The following ZNF92 variants were observed in gnomAD, a reference collection of about 807,000 sequenced individuals.
ZNF92 encodes zinc finger protein 92.
In ZNF92, 11 loss-of-function variants were observed where a neutral mutation model predicts 12.4. That is an observed-to-expected ratio of 0.89 (90% CI 0.56 to 1.47). The LOEUF is 1.47. ZNF92 is among the 40% of genes most tolerant of loss of function. The pLI, the probability that ZNF92 is intolerant of heterozygous loss-of-function variation, is 0.00. For synonymous variants in ZNF92, 206 were observed against 228.6 expected (o/e 0.90, Z 0.89); for missense variants, 622 against 681.0 (o/e 0.91, Z 0.96).
At chr7:65,388,326 T>C in intron 2 of ZNF92, 1 of 176,122 alleles carries the variant, frequency 5.7e-6, no homozygotes, top group East Asian at 2.2e-4. Flanking sequence ...TACTGGGCAG[T>C]ATTAAATAAA....
Position 65,373,931 on chromosome 7 carries a change from GA to G in ZNF92, c.-66del. On this transcript the variant is annotated 5_prime_UTR_variant, in exon 1 of 4. Coordinates refer to ENST00000328747, the MANE Select transcript of ZNF92 (RefSeq NM_152626.4). Reference sequence around the variant, plus strand: ...TGTGCTGATAAAGGCTCGCCGCTGTGACCCTGTTACCTGCAAGAACTTGGAG... The same window carrying G: ...TGTGCTGATAAAGGCTCGCCGCTGTGCCCTGTTACCTGCAAGAACTTGGAG... 1 of 1,611,090 alleles carries G rather than the reference GA, an allele frequency of 6.2e-7. No individual in the cohort carries two copies. Among genetic ancestry groups the G allele is most frequent in the Non-Finnish European group, 8.5e-7 (1 of 1,177,358 alleles).
rs751461601 is a variant in ZNF92, at chr7:65,399,792, A to G, written c.1678A>G (p.Thr560Ala). 1.2e-6 allele frequency: 2 copies of G among 1,613,230 alleles called. No homozygotes were observed. Among genetic ancestry groups the G allele is most frequent in the Non-Finnish European group, 1.7e-6 (2 of 1,179,562 alleles). Reference sequence around the variant, plus strand: ...CCTTATTACACATCAGATAATTTATACTGGAGAGAAACCCTGCAAACATGA... The same window carrying G: ...CCTTATTACACATCAGATAATTTATGCTGGAGAGAAACCCTGCAAACATGA... ...STLITHQIIY[T>A]GEKPCKHECG... Residue 560 changes from threonine to alanine, a missense_variant, in exon 4 of 4, where the codon ACT (threonine) becomes GCT (alanine). Transcript: ENST00000328747.
At chr7:65,384,741 A>C (rs1198669398) in intron 1 of ZNF92, among the ~76,000 whole-genome samples, 2 of 151,892 alleles carry the variant, frequency 1.3e-5, no homozygotes, top group African/African-American at 2.4e-5. Flanking sequence ...TACATTTTTC[A>C]CAAAAAAAAT....
chr7:65,386,469 G>A (rs1584280875), intron 1 of ZNF92, among the ~76,000 whole-genome samples: 1 of 152,050 alleles, frequency 6.6e-6, no homozygotes, highest in Non-Finnish European at 1.5e-5. Context: ...TCCTATTGGG[G>A]AAAAGCTGGG....
At chr7:65,393,501 C>T (rs1299613547) in intron 3 of ZNF92, among the ~76,000 whole-genome samples, 7 of 152,074 alleles carry the variant, frequency 4.6e-5, no homozygotes, top group African/African-American at 1.7e-4. Flanking sequence ...TCCTATGTTG[C>T]ATAGTTTGGA....
intron 3 of ZNF92, among the ~76,000 whole-genome samples, chr7:65,396,192 CTTT>C (rs1793843012): frequency 6.6e-6 from 1 of 151,988 alleles, no homozygotes; most frequent in African/African-American, 2.4e-5. Flanking sequence ...GATTACATTT[CTTT>C]TTATTAACTA....
chr7:65,392,764 G>A (rs899820762), intron 3 of ZNF92, among the ~76,000 whole-genome samples: 2 of 151,832 alleles, frequency 1.3e-5, no homozygotes, highest in Admixed American at 6.6e-5. Context: ...TCCACCTCCC[G>A]ACCTCAGGTG....
At chr7:65,383,374 A>C (rs1793476137) in intron 1 of ZNF92, among the ~76,000 whole-genome samples, 1 of 152,158 alleles carries the variant, frequency 6.6e-6, no homozygotes, top group Non-Finnish European at 1.5e-5. Flanking sequence ...CCCCATCTAG[A>C]ATCTTCACAT....
At chr7:65,387,518 A>G (rs1214100563) in intron 1 of ZNF92, among the ~76,000 whole-genome samples, 1 of 149,492 alleles carries the variant, frequency 6.7e-6, no homozygotes, top group Non-Finnish European at 1.5e-5. Context: ...CTGAAAAAAT[A>G]TATGCATAAC....
intron 1 of ZNF92, among the ~76,000 whole-genome samples, chr7:65,383,212 T>G (rs13235646): frequency 6.6e-6 from 1 of 152,122 alleles, no homozygotes; most frequent in Non-Finnish European, 1.5e-5. Flanking sequence ...CCAAGTGAAC[T>G]GTCTACTTAC....
intron 3 of ZNF92, among the ~76,000 whole-genome samples, chr7:65,392,163 A>C (rs1349754652): frequency 6.6e-6 from 1 of 152,034 alleles, no homozygotes; most frequent in African/African-American, 2.4e-5. Flanking sequence ...TTTATCTATT[A>C]ATATGACTTT....
chr7:65,381,455 A>G (rs1479304471), intron 1 of ZNF92, among the ~76,000 whole-genome samples: 2 of 150,674 alleles, frequency 1.3e-5, no homozygotes, highest in African/African-American at 4.9e-5. Flanking sequence ...ATTTTTCTTT[A>G]TTCTCTAGGT....
intron 1 of ZNF92, among the ~76,000 whole-genome samples, chr7:65,376,939 G>A (rs1032167116): frequency 9.9e-5 from 15 of 152,022 alleles, no homozygotes; most frequent in Admixed American, 7.9e-4. Flanking sequence ...TTGTTACAGC[G>A]AATATGTCTG....
Position 65,398,984 on chromosome 7 carries a change from T to C in ZNF92, c.870T>C (p.Cys290=), listed in dbSNP as rs1249936529. 6.2e-7 allele frequency: 1 copy of C among 1,613,516 alleles called. No individual in the cohort carries two copies. The highest frequency in any genetic ancestry group is 8.5e-7 in the Non-Finnish European group (1 of 1,179,796). The stretch of plus-strand genomic sequence containing the variant: ...AGAAACCCTACAAATGTGAAGAATG[T>C]GGCAAGGCCTTTAACCAGTTCTCGA... ...TEEKPYKCEE[C]GKAFNQFSIL... is the part of the protein sequence containing the mutation. The change falls in exon 4 of 4, where the codon TGT becomes TGC. Residue 290 remains cysteine (C), a synonymous_variant. Transcript: ENST00000328747.
At chr7:65,382,462 G>C (rs900819755) in intron 1 of ZNF92, among the ~76,000 whole-genome samples, 1 of 151,942 alleles carries the variant, frequency 6.6e-6, no homozygotes, top group African/African-American at 2.4e-5. Context: ...TCATGATTGT[G>C]CTGCAAAATG....
rs768787970 is a variant in ZNF92 at position 65,399,404 on chromosome 7, T to C, written c.1290T>C (p.Cys430=). ...TGEKPYKCEK[C]GKAFSWSSAF... The stretch of plus-strand genomic sequence containing the variant: ...AGAAACCCTACAAATGTGAAAAATG[T>C]GGCAAGGCCTTTAGCTGGTCCTCAG... Residue 430 remains cysteine, a synonymous_variant, in exon 4 of 4, where the codon TGT becomes TGC. Coordinates refer to ENST00000328747, the MANE Select transcript of ZNF92 (RefSeq NM_152626.4). 3.1e-6 allele frequency: 5 copies of C among 1,613,482 alleles called. No homozygotes were observed. The Admixed American group carries it at 6.7e-5, about 22-fold the overall frequency.
chr7:65,374,282 C>G (rs1194867954), intron 1 of ZNF92, among the ~76,000 whole-genome samples: 4 of 152,160 alleles, frequency 2.6e-5, no homozygotes, highest in Non-Finnish European at 5.9e-5. Flanking sequence ...CATCTCTCGC[C>G]GAGTGTGCAG....
At chr7:65,382,386 A>G (rs1299294816) in intron 1 of ZNF92, among the ~76,000 whole-genome samples, 1 of 152,084 alleles carries the variant, frequency 6.6e-6, no homozygotes, top group African/African-American at 2.4e-5. Flanking sequence ...CACATGATAT[A>G]AACATATAAG....
chr7:65,377,328 G>A (rs775908582), intron 1 of ZNF92, among the ~76,000 whole-genome samples: 1 of 151,982 alleles, frequency 6.6e-6, no homozygotes, highest in African/African-American at 2.4e-5. Context: ...TTTTTGGGGA[G>A]CCTCCCCTGA....
Sources: gnomAD v4.1 joint callset for allele counts (sites outside exome capture counted in the v4.1 genomes callset) on GRCh38, gnomAD v4.1.1 for gene constraint, MANE v1.5 for transcripts, NCBI Gene and HGNC (gene_info 2026-07-23, HGNC 2026-07-21) for gene names.